The following EHD3 variants were observed in gnomAD, a reference collection of about 807,000 sequenced individuals.
The protein encoded by EHD3 is EH domain-containing protein 3.
A neutral mutation model predicts 43.0 loss-of-function variants in EHD3; 17 were observed. The ratio of observed to expected loss-of-function variants is 0.40; its 90% confidence interval spans 0.27 to 0.59. EHD3 has a LOEUF of 0.59. Among genes scored for constraint, EHD3 ranks in the 20% least tolerant of loss-of-function variants. The pLI is 0.49. For missense variants in EHD3, 594 were observed against 705.6 expected (o/e 0.84, Z 1.79); for synonymous variants, 313 against 289.5 (o/e 1.08, Z -0.82).
At position 31,240,152 on chromosome 2, in the gene EHD3, G is replaced by A. The variant is rs145179505; in HGVS notation, c.228-4122G>A. Among the ~76,000 whole-genome samples, 584 of 152,202 alleles carry A rather than the reference G, an allele frequency of 3.8e-3. 1 individual carries two copies. Among genetic ancestry groups the A allele is most frequent in the African/African-American group, 0.013 (540 of 41,520 alleles). ...TGGAGAGTCTCCCATCCACTTTCTCGCTTGTGTCTGTGGGATGCGTTACAG... is the reference window on the plus strand; with the variant it reads ...TGGAGAGTCTCCCATCCACTTTCTCACTTGTGTCTGTGGGATGCGTTACAG... On this transcript the variant is annotated intron_variant, in intron 1 of 5. Coordinates refer to ENST00000322054, the MANE Select transcript of EHD3 (RefSeq NM_014600.3).
At chr2:31,264,532 A>ATTTTTTT (rs1558653199) in intron 5 of EHD3, among the ~76,000 whole-genome samples, 1 of 86,656 alleles carries the variant, frequency 1.2e-5, no homozygotes, top group African/African-American at 5.5e-5. Context: ...TACTTTACAG[A>ATTTTTTT]CTTTTTTTTT....
intron 1 of EHD3, among the ~76,000 whole-genome samples, chr2:31,239,142 C>T (rs896604538): frequency 6.6e-6 from 1 of 152,220 alleles, no homozygotes; most frequent in Non-Finnish European, 1.5e-5. Flanking sequence ...ACCACCCTGA[C>T]ATCCCCACCC....
chr2:31,237,878 C>A (rs577794318), intron 1 of EHD3, among the ~76,000 whole-genome samples: 1 of 152,246 alleles, frequency 6.6e-6, no homozygotes, highest in African/African-American at 2.4e-5. Context: ...ATATACGATT[C>A]TTCACTTAAT....
At chr2:31,239,353 C>G (rs1043356657) in intron 1 of EHD3, among the ~76,000 whole-genome samples, 6 of 152,128 alleles carry the variant, frequency 3.9e-5, no homozygotes, top group African/African-American at 1.4e-4. Flanking sequence ...TCTGCTGGGT[C>G]TCTAAAGGGG....
chr2:31,261,755 G>C, intron 5 of EHD3, 42 bp downstream of exon 5: 1 of 1,602,418 alleles, frequency 6.2e-7, no homozygotes, highest in Non-Finnish European at 8.5e-7. Flanking sequence ...ACAGTGTCCC[G>C]AGAGCTGGCT....
chr2:31,240,747 G>A (rs1013384301), intron 1 of EHD3, among the ~76,000 whole-genome samples: 9 of 152,224 alleles, frequency 5.9e-5, no homozygotes, highest in African/African-American at 1.9e-4. Context: ...ATCCTTCATT[G>A]CTGCTGTTTG....
intron 5 of EHD3, 31 bp downstream of exon 5, chr2:31,261,744 G>A (rs777635105): frequency 6.2e-7 from 1 of 1,609,770 alleles, no homozygotes; most frequent in Non-Finnish European, 8.5e-7. Context: ...TAAGACAAGG[G>A]ACAGTGTCCC....
intron 2 of EHD3, among the ~76,000 whole-genome samples, chr2:31,248,097 C>T (rs1394543731): frequency 2.0e-5 from 3 of 152,174 alleles, no homozygotes; most frequent in Admixed American, 6.5e-5. Flanking sequence ...TCACTGCAGT[C>T]CACACAAGGT....
At chr2:31,239,347 C>A (rs1479075431) in intron 1 of EHD3, among the ~76,000 whole-genome samples, 1 of 152,104 alleles carries the variant, frequency 6.6e-6, no homozygotes, top group African/African-American at 2.4e-5. Flanking sequence ...TTCTGATCTG[C>A]TGGGTCTCTA....
intron 3 of EHD3, among the ~76,000 whole-genome samples, chr2:31,251,081 C>G (rs139661166): frequency 3.9e-5 from 6 of 152,336 alleles, no homozygotes; most frequent in African/African-American, 1.4e-4. Context: ...TGTGACAGGC[C>G]AGTGCTCCTG....
chr2:31,266,150 C>G lies in EHD3; in HGVS notation c.1081-27C>G. 6.3e-7 allele frequency: 1 copy of G among 1,589,112 alleles called. No individual in the cohort carries two copies. Among genetic ancestry groups the G allele is most frequent in the South Asian group, 1.1e-5 (1 of 87,328 alleles). ...GGGCTCTCCTTTCATCGTATCCTAT[C>G]TTCATCCTCTCTCCTCCTCTTCCCA... On this transcript the variant is annotated intron_variant, in intron 5 of 5. Coordinates refer to ENST00000322054, the MANE Select transcript of EHD3 (RefSeq NM_014600.3). This position sits in a 1 kb window ranked among gnomAD's most constrained non-coding sequence, Gnocchi z 5.1.
chr2:31,241,714 A>G (rs1683428233), intron 1 of EHD3, among the ~76,000 whole-genome samples: 1 of 152,190 alleles, frequency 6.6e-6, no homozygotes, highest in African/African-American at 2.4e-5. Context: ...CCCTGAGTTA[A>G]GTACCCCCTG....
chr2:31,266,712 G>A lies in EHD3; in HGVS notation c.*8G>A. On this transcript the variant is annotated 3_prime_UTR_variant, in exon 6 of 6. Transcript: ENST00000322054. The surrounding 1 kb of genome is among the most constrained non-coding windows in gnomAD (Gnocchi z 5.1). ...AGGAAAGTTGCCGAGTGATGGGGTGGGGGGACATTCAGACGGGCAGTGTTA... is the reference window on the plus strand; with the variant it reads ...AGGAAAGTTGCCGAGTGATGGGGTGAGGGGACATTCAGACGGGCAGTGTTA... 6.3e-7 allele frequency: 1 copy of A among 1,588,650 alleles called. No homozygotes were observed. The highest frequency in any genetic ancestry group is 1.1e-5 in the South Asian group (1 of 87,144).
rs67643147 is a variant in EHD3 at position 31,266,761 on chromosome 2, TACACACACACACAC to T, written c.*77_*90del. 6.2e-3 allele frequency: 7,349 copies of T among 1,179,230 alleles called. 37 individuals carry two copies. The highest frequency in any genetic ancestry group is 0.043 in the East Asian group (1,717 of 40,220). 73.0% of individuals were successfully genotyped at this position (1,179,230 alleles called of 1,614,324 possible). On this transcript the variant is annotated 3_prime_UTR_variant, in exon 6 of 6. Transcript: ENST00000322054. The surrounding 1 kb of genome is among the most constrained non-coding windows in gnomAD (Gnocchi z 5.1). The stretch of plus-strand genomic sequence containing the variant: ...TAGAGGAGGAGATGGGAGCGGTGAC[TACACACACACACAC>T]ACACACACACACACACACAAACATG...
At position 31,261,548 on chromosome 2, in the gene EHD3, G is replaced by A; in HGVS notation, c.916-1G>A. On this transcript the variant is annotated splice_acceptor_variant, in intron 4 of 5. Transcript: ENST00000322054. LOFTEE classifies it high-confidence loss of function. ...GGCTTCTCTCTGGCCCTGTTTGTCA[G>A]GTCCACGCCTACATCATCAGCTCTC... 1.2e-6 allele frequency: 2 copies of A among 1,614,132 alleles called. No individual in the cohort carries two copies. Among genetic ancestry groups the A allele is most frequent in the Non-Finnish European group, 1.7e-6 (2 of 1,180,004 alleles).
chr2:31,254,167 C>T (rs1260478007), intron 3 of EHD3, among the ~76,000 whole-genome samples: 3 of 152,164 alleles, frequency 2.0e-5, no homozygotes, highest in Non-Finnish European at 4.4e-5. Flanking sequence ...CTTCCTATTC[C>T]TGGTCCACGG....
intron 3 of EHD3, among the ~76,000 whole-genome samples, chr2:31,255,106 T>C (rs544262776): frequency 2.6e-5 from 4 of 152,324 alleles, no homozygotes; most frequent in Admixed American, 2.6e-4. Context: ...GAGGGGACCA[T>C]AGATCCCTGC....
intron 1 of EHD3, among the ~76,000 whole-genome samples, chr2:31,239,838 T>A (rs549481494): frequency 6.0e-3 from 356 of 58,880 alleles, no homozygotes; most frequent in African/African-American, 0.034. Flanking sequence ...CTCTCCTCTC[T>A]CGAGCTGACT....
chr2:31,241,848 G>A (rs1683430384), intron 1 of EHD3, among the ~76,000 whole-genome samples: 1 of 152,226 alleles, frequency 6.6e-6, no homozygotes, highest in African/African-American at 2.4e-5. Context: ...TGCTAGCCAA[G>A]GGTGCAGCTG....
Sources: allele counts gnomAD v4.1 joint callset (sites outside exome capture counted in the v4.1 genomes callset), GRCh38; gene constraint gnomAD v4.1.1; non-coding constraint Gnocchi (gnomAD v3.1); transcripts MANE v1.5; gene names NCBI Gene and HGNC (gene_info 2026-07-23, HGNC 2026-07-21).